TMTC2: variants seen among roughly 807,000 people sequenced by gnomAD.
The protein encoded by TMTC2 is protein O-mannosyl-transferase TMTC2.
A neutral mutation model predicts 82.4 loss-of-function variants in TMTC2; 43 were observed. The observed-to-expected ratio is 0.52, with a 90% CI of 0.41 to 0.67. The LOEUF is 0.67. Ranked by LOEUF, TMTC2 falls within the 30% of genes least tolerant of loss-of-function variation. The probability of loss-of-function intolerance (pLI) is 0.00; values close to 1 mark genes in which losing one functional copy is unlikely to be tolerated. For synonymous variants in TMTC2, 408 were observed against 381.9 expected (o/e 1.07, Z -0.80); for missense variants, 919 against 1,012.4 (o/e 0.91, Z 1.25).
intron 11 of TMTC2, among the ~76,000 whole-genome samples, chr12:83,078,111 G>A (rs892141862): frequency 6.6e-6 from 1 of 151,896 alleles, no homozygotes; most frequent in African/African-American, 2.4e-5. Flanking sequence ...TCAAAAGGTG[G>A]GGGATGAGAA....
chr12:82,742,491 G>C (rs939256090), intron 1 of TMTC2, among the ~76,000 whole-genome samples: 1 of 151,610 alleles, frequency 6.6e-6, no homozygotes, highest in Non-Finnish European at 1.5e-5. Context: ...CTGTCTAAAC[G>C]AGATGACTTC....
At chr12:83,127,239 T>C (rs1957674510) in intron 11 of TMTC2, among the ~76,000 whole-genome samples, 1 of 152,196 alleles carries the variant, frequency 6.6e-6, no homozygotes, top group African/African-American at 2.4e-5. Flanking sequence ...TCAGTCACTC[T>C]TTTTAAAAGT....
intron 1 of TMTC2, among the ~76,000 whole-genome samples, chr12:82,768,510 C>T (rs1054968192): frequency 6.6e-6 from 1 of 152,168 alleles, no homozygotes; most frequent in Non-Finnish European, 1.5e-5. Context: ...CAGCTCTCAG[C>T]CCTGCAAATT....
Position 82,715,746 on chromosome 12 carries a change from G to T in TMTC2, c.83+28077G>T, listed in dbSNP as rs542909025. On this transcript the variant is annotated intron_variant, in intron 1 of 11. Coordinates refer to ENST00000321196, the MANE Select transcript of TMTC2 (RefSeq NM_152588.3). ...TGGGGGATGGGATGGTAGGGATGGGGTAGGGATATCAACCTTGAAGCTGCC... is the reference window on the plus strand; with the variant it reads ...TGGGGGATGGGATGGTAGGGATGGGTTAGGGATATCAACCTTGAAGCTGCC... Among the ~76,000 whole-genome samples, 5 of 152,264 alleles carry T rather than the reference G, an allele frequency of 3.3e-5. No homozygotes were observed. In the East Asian group the frequency reaches 9.6e-4, roughly 29 times the overall value.
chr12:83,056,028 G>A (rs1882531328), intron 10 of TMTC2, among the ~76,000 whole-genome samples: 1 of 151,886 alleles, frequency 6.6e-6, no homozygotes, highest in Non-Finnish European at 1.5e-5. Context: ...ACACCTGACT[G>A]ATGGCTTACA....
chr12:83,004,845 C>T (rs1880098050), intron 8 of TMTC2, among the ~76,000 whole-genome samples: 1 of 141,276 alleles, frequency 7.1e-6, no homozygotes, highest in Admixed American at 7.7e-5. Context: ...AGGCGCGAAG[C>T]AGGGAGTGGT....
intron 1 of TMTC2, among the ~76,000 whole-genome samples, chr12:82,853,658 G>A (rs1463505507): frequency 6.6e-6 from 1 of 152,182 alleles, no homozygotes; most frequent in African/African-American, 2.4e-5. Context: ...TGGAAAAGAT[G>A]ATTCTTCATT....
intron 7 of TMTC2, among the ~76,000 whole-genome samples, chr12:82,972,067 A>C (rs1190542769): frequency 6.6e-6 from 1 of 152,162 alleles, no homozygotes; most frequent in East Asian, 1.9e-4. Context: ...GAAAACAAAC[A>C]AGAGAAACTC....
intron 2 of TMTC2, among the ~76,000 whole-genome samples, chr12:82,878,046 T>A (rs1180721477): frequency 1.3e-5 from 2 of 152,212 alleles, no homozygotes; most frequent in African/African-American, 4.8e-5. Context: ...TTCTGGTGTA[T>A]CTAAAATTGC....
intron 2 of TMTC2, among the ~76,000 whole-genome samples, chr12:82,894,516 A>C (rs531423563): frequency 1.3e-5 from 2 of 152,100 alleles, no homozygotes; most frequent in African/African-American, 4.8e-5. Context: ...AAGATTCTAA[A>C]CCCCCTTCTG....
chr12:83,056,845 G>A (rs1007566464), intron 10 of TMTC2, among the ~76,000 whole-genome samples: 5 of 151,910 alleles, frequency 3.3e-5, no homozygotes, highest in African/African-American at 1.2e-4. Flanking sequence ...GAAGGTGGGC[G>A]TCTTTCAACC....
At chr12:82,754,731 C>T (rs1322430476) in intron 1 of TMTC2, among the ~76,000 whole-genome samples, 1 of 119,608 alleles carries the variant, frequency 8.4e-6, no homozygotes, top group Non-Finnish European at 1.8e-5. Context: ...AGCAAGACTT[C>T]ATCTCAAAAA....
chr12:82,852,850 G>T (rs1471421305), intron 1 of TMTC2, among the ~76,000 whole-genome samples: 1 of 152,096 alleles, frequency 6.6e-6, no homozygotes, highest in African/African-American at 2.4e-5. Context: ...TCACTGACCT[G>T]CATGTGTGAC....
At chr12:82,696,964 G>GTGTATATATATATATATA (rs374532592) in intron 1 of TMTC2, among the ~76,000 whole-genome samples, 8,714 of 141,040 alleles carry the variant, frequency 0.062, 381 homozygotes, top group East Asian at 0.13. Flanking sequence ...ACATACATAC[G>GTGTATATATATATATATA]TATATATATA....
chr12:82,798,291 G>A (rs539980383), intron 1 of TMTC2, among the ~76,000 whole-genome samples: 94 of 149,834 alleles, frequency 6.3e-4, no homozygotes, highest in African/African-American at 2.2e-3. Flanking sequence ...AAGACTTGGG[G>A]CCGGGTGTGG....
chr12:82,734,094 G>A (rs1457027545), intron 1 of TMTC2, among the ~76,000 whole-genome samples: 2 of 152,224 alleles, frequency 1.3e-5, no homozygotes, highest in Non-Finnish European at 2.9e-5. Context: ...ATCAGGGTAT[G>A]TGAGTAAATC....
chr12:82,988,231 A>G (rs1174922172), intron 8 of TMTC2, among the ~76,000 whole-genome samples: 1 of 152,204 alleles, frequency 6.6e-6, no homozygotes, highest in East Asian at 1.9e-4. Context: ...CAACTCAGAA[A>G]GCAGTTGGAA....
intron 11 of TMTC2, among the ~76,000 whole-genome samples, chr12:83,110,924 T>C (rs1343570562): frequency 6.6e-6 from 1 of 152,252 alleles, no homozygotes; most frequent in African/African-American, 2.4e-5. Context: ...CAATGCCTGC[T>C]TAGTGTCTCC....
chr12:82,720,216 C>T (rs1347656374), intron 1 of TMTC2, among the ~76,000 whole-genome samples: 1 of 152,076 alleles, frequency 6.6e-6, no homozygotes, highest in Non-Finnish European at 1.5e-5. Context: ...AGCTATCACC[C>T]ACCTATACCT....
Sources: allele counts gnomAD v4.1 joint callset (sites outside exome capture counted in the v4.1 genomes callset), GRCh38; gene constraint gnomAD v4.1.1; transcripts MANE v1.5; gene names NCBI Gene and HGNC (gene_info 2026-07-23, HGNC 2026-07-21).